VPS13C: variants seen among roughly 807,000 people sequenced by gnomAD.
The protein encoded by VPS13C is vacuolar protein sorting 13 homolog C, also known as intermembrane lipid transfer protein VPS13C.
Under a neutral mutation model 456.8 loss-of-function variants are expected in VPS13C, and 358 were observed. The ratio of observed to expected loss-of-function variants is 0.78; its 90% CI spans 0.72 to 0.86. The LOEUF is 0.86. Ranked by LOEUF, VPS13C falls within the 40% of genes least tolerant of loss-of-function variation. The probability of loss-of-function intolerance (pLI) is 0.00; values close to 1 mark genes in which losing one functional copy is unlikely to be tolerated. For synonymous variants in VPS13C, 1,578 were observed against 1,486.7 expected (o/e 1.06, Z -1.41); for missense variants, 4,818 against 4,385.4 (o/e 1.10, Z -2.79).
At chr15:61,866,268 A>T in intron 81 of VPS13C, 1 of 983,968 alleles carries the variant, frequency 1.0e-6, no homozygotes, top group Non-Finnish European at 1.2e-6. Flanking sequence ...ATAATGCACT[A>T]AAGTTTTAAA....
intron 45 of VPS13C, among the ~76,000 whole-genome samples, chr15:61,944,477 C>G (rs2044538808): frequency 1.3e-5 from 2 of 152,258 alleles, no homozygotes; most frequent in South Asian, 4.2e-4. Context: ...AAATCATGTC[C>G]TTTGCAGCAA....
At chr15:62,045,871 T>C (rs1219160616) in intron 1 of VPS13C, among the ~76,000 whole-genome samples, 2 of 151,986 alleles carry the variant, frequency 1.3e-5, no homozygotes, top group East Asian at 3.9e-4. Flanking sequence ...TAGAAAGACA[T>C]GGGAAAATGT....
intron 6 of VPS13C, among the ~76,000 whole-genome samples, chr15:62,025,560 C>A (rs2047609647): frequency 6.6e-6 from 1 of 152,108 alleles, no homozygotes; most frequent in Non-Finnish European, 1.5e-5. Flanking sequence ...GTGTTAAATT[C>A]TCTTCTTACC....
chr15:62,041,301 C>A, intron 3 of VPS13C, 23 bp downstream of exon 3: 1 of 1,591,170 alleles, frequency 6.3e-7, no homozygotes, highest in South Asian at 1.2e-5. Flanking sequence ...AAGAATAATT[C>A]AAATGAAGAC....
At chr15:61,869,820 G>A (rs1028127533) in intron 79 of VPS13C, among the ~76,000 whole-genome samples, 197 bp from the exon 80 acceptor site, 12 of 152,128 alleles carry the variant, frequency 7.9e-5, no homozygotes, top group African/African-American at 2.9e-4. Flanking sequence ...CGCATTCCTG[G>A]GCCCCACCCC....
chr15:61,906,402 G>A (rs1200136121), intron 66 of VPS13C, among the ~76,000 whole-genome samples: 3 of 152,074 alleles, frequency 2.0e-5, no homozygotes, highest in Non-Finnish European at 4.4e-5. Flanking sequence ...AATTCTTCCC[G>A]GATCTCCTTC....
chr15:61,860,025 C>CA (rs1441687416), intron 82 of VPS13C, among the ~76,000 whole-genome samples: 3 of 151,436 alleles, frequency 2.0e-5, no homozygotes, highest in East Asian at 1.9e-4. Context: ...AATTTCAAAA[C>CA]AAAAAAATGC....
At position 61,962,731 on chromosome 15, in the gene VPS13C, C is replaced by T; in HGVS notation, c.3435+18G>A. 6.6e-7 allele frequency: 1 copy of T among 1,513,592 alleles called. No homozygotes were observed. 93.8% of individuals were successfully genotyped at this position (1,513,592 alleles called of 1,614,324 possible). A position where few individuals can be genotyped will look rare whatever the true frequency, so the allele number is the denominator to read the frequency against. On this transcript the variant is annotated intron_variant, in intron 33 of 84. Coordinates refer to ENST00000644861, the MANE Select transcript of VPS13C (RefSeq NM_020821.3). The stretch of plus-strand genomic sequence containing the variant: ...TCAGTCATTAAAGAATATTAACTAT[C>T]TGTTTACAATCACCTACTTTCTTAT...
intron 42 of VPS13C, 75 bp downstream of exon 42, chr15:61,949,368 T>G (rs1421431618): frequency 2.0e-6 from 3 of 1,521,298 alleles, no homozygotes; most frequent in African/African-American, 2.8e-5. Flanking sequence ...ATATTCATCT[T>G]AACTGAAAAA....
intron 20 of VPS13C, 37 bp from the exon 21 acceptor site, chr15:61,982,610 A>T (rs1216905666): frequency 4.2e-6 from 6 of 1,432,440 alleles, no homozygotes; most frequent in Non-Finnish European, 5.8e-6. Flanking sequence ...CAAGTTACAC[A>T]TGGTTCTTTC....
At chr15:62,003,253 T>G (rs1406766133) in intron 15 of VPS13C, among the ~76,000 whole-genome samples, 5 of 151,044 alleles carry the variant, frequency 3.3e-5, no homozygotes. Context: ...TAAGTTGGAT[T>G]CCTAGGTATT....
intron 15 of VPS13C, 27 bp downstream of exon 15, chr15:62,007,281 G>A (rs1455033607): frequency 4.8e-6 from 7 of 1,462,700 alleles, no homozygotes; most frequent in Non-Finnish European, 6.4e-6. Flanking sequence ...ACAAATAATA[G>A]CTCTCACTAA....
intron 78 of VPS13C, 49 bp downstream of exon 78, chr15:61,873,197 C>T (rs918933739): frequency 5.0e-6 from 8 of 1,608,760 alleles, no homozygotes; most frequent in Non-Finnish European, 6.8e-6. Context: ...AGCTAGAATA[C>T]ACTTTTTTTT....
intron 18 of VPS13C, among the ~76,000 whole-genome samples, chr15:61,985,917 C>T (rs1194845854): frequency 6.6e-6 from 1 of 151,984 alleles, no homozygotes; most frequent in African/African-American, 2.4e-5. Flanking sequence ...CAGTTCCCAC[C>T]AAAGGGTAAA....
intron 71 of VPS13C, 139 bp from the exon 72 acceptor site, chr15:61,881,093 T>A (rs1895815248): frequency 1.4e-6 from 1 of 703,710 alleles, no homozygotes; most frequent in Non-Finnish European, 2.3e-6. Context: ...AAGATCAAAG[T>A]CTTCTTAGAT....
At chr15:62,037,591 T>C (rs1339634930) in intron 3 of VPS13C, among the ~76,000 whole-genome samples, 1 of 149,696 alleles carries the variant, frequency 6.7e-6, no homozygotes, top group African/African-American at 2.5e-5. Flanking sequence ...TTTCAATCTA[T>C]GTTCCAATTT....
At chr15:62,047,122 TAAG>T (rs1201899546) in intron 1 of VPS13C, among the ~76,000 whole-genome samples, 4 of 151,804 alleles carry the variant, frequency 2.6e-5, no homozygotes, top group African/African-American at 9.7e-5. Flanking sequence ...CCCAGACACG[TAAG>T]AATAACAAAG....
chr15:61,993,405 T>A (rs1257124947), intron 16 of VPS13C, among the ~76,000 whole-genome samples: 2 of 151,842 alleles, frequency 1.3e-5, no homozygotes, highest in Non-Finnish European at 2.9e-5. Flanking sequence ...GAAAAAAAAA[T>A]TAACTGAAAT....
chr15:62,038,545 C>T (rs1320286536), intron 3 of VPS13C, among the ~76,000 whole-genome samples: 1 of 152,152 alleles, frequency 6.6e-6, no homozygotes, highest in Non-Finnish European at 1.5e-5. Context: ...CATGACTGTG[C>T]CACTGCATTC....
Sources: gnomAD v4.1 joint callset for allele counts (sites outside exome capture counted in the v4.1 genomes callset) on GRCh38, gnomAD v4.1.1 for gene constraint, MANE v1.5 for transcripts, NCBI Gene and HGNC (gene_info 2026-07-23, HGNC 2026-07-21) for gene names.